Variants in HSDL1 observed in about 807,000 individuals in gnomAD.
The protein encoded by HSDL1 is hydroxysteroid dehydrogenase like 1, also known as inactive hydroxysteroid dehydrogenase-like protein 1.
In HSDL1, 29 loss-of-function variants were observed where a neutral mutation model predicts 31.5. That is an observed-to-expected ratio of 0.92 (90% CI 0.69 to 1.26). The LOEUF (loss-of-function observed/expected upper bound fraction) is 1.26. HSDL1 is among the 50% of genes most tolerant of loss of function. The pLI is 0.00. For synonymous variants in HSDL1, 222 were observed against 155.2 expected (o/e 1.43, Z -3.20); for missense variants, 503 against 416.6 (o/e 1.21, Z -1.81).
chr16:84,129,151 G>C (rs192709801), intron 5 of HSDL1, among the ~76,000 whole-genome samples: 2 of 152,124 alleles, frequency 1.3e-5, no homozygotes, highest in African/African-American at 4.8e-5. Context: ...GGGAGGCTGA[G>C]GCAGGCAGAT....
chr16:84,124,591 C>T lies in HSDL1; in HGVS notation c.*39G>A, dbSNP rs751149545. On this transcript the variant is annotated 3_prime_UTR_variant, in exon 6 of 6. Transcript: ENST00000219439. ...TTCCAAATGTCAGAATATCGAGGTT[C>T]CCAGGAGTTGGCAAAACTTCTCAAG... The T allele has an allele frequency of 7.3e-6, 9 of 1,237,554 alleles. No homozygotes were observed. The African/African-American group carries it at 1.3e-4, about 18-fold the overall frequency. The allele number at this position is 1,237,554 out of a possible 1,614,324, so 76.7% of individuals were successfully genotyped here.
In HSDL1 at chr16:84,129,724, C is replaced by T; in HGVS notation, c.718G>A (p.Gly240Arg). 1 of 1,614,184 alleles carries T rather than the reference C, an allele frequency of 6.2e-7. No homozygotes were observed. Among genetic ancestry groups the T allele is most frequent in the Non-Finnish European group, 8.5e-7 (1 of 1,180,048 alleles). Residue 240 changes from glycine to arginine, a missense_variant, in exon 5 of 6, where the codon GGA (glycine) becomes AGA (arginine). Gly to Arg is a moderately radical substitution (Grantham distance 125). Coordinates refer to ENST00000219439, the MANE Select transcript of HSDL1 (RefSeq NM_031463.5). ...RALQYEYASK[G>R]IFVQSLIPFY... ...GGGATTAGACTCTGTACAAAGATTC[C>T]TTTAGAGGCATATTCATATTGCAAG... is the stretch of plus-strand genomic sequence containing the variant.
In HSDL1 at chr16:84,123,937, C is replaced by G. The variant is rs992732156; in HGVS notation, c.*693G>C. On this transcript the variant is annotated 3_prime_UTR_variant, in exon 6 of 6. Coordinates refer to ENST00000219439, the MANE Select transcript of HSDL1 (RefSeq NM_031463.5). Reference sequence around the variant, plus strand: ...AACCAACAGCATGAAATTTGGTAGGCTTATTTAGGATGAAAAGGAATAATC... The same window carrying G: ...AACCAACAGCATGAAATTTGGTAGGGTTATTTAGGATGAAAAGGAATAATC... The G allele has an allele frequency of 5.3e-5, 8 of 152,112 alleles. No individual in the cohort carries two copies. The highest frequency in any genetic ancestry group is 7.4e-5 in the Non-Finnish European group (5 of 68,010). The allele number at this position is 152,112 out of a possible 1,614,324, so 9.4% of individuals were successfully genotyped here. A position where few individuals can be genotyped will look rare whatever the true frequency, so the allele number is the denominator to read the frequency against.
intron 1 of HSDL1, among the ~76,000 whole-genome samples, chr16:84,141,651 A>C (rs539964367): frequency 6.6e-6 from 1 of 152,296 alleles, no homozygotes; most frequent in African/African-American, 2.4e-5. Context: ...CCTCAATGTC[A>C]CTGGCTGGTA....
intron 3 of HSDL1, 34 bp downstream of exon 3, chr16:84,131,068 C>G (rs76473549): frequency 4.6e-6 from 7 of 1,530,818 alleles, no homozygotes; most frequent in Non-Finnish European, 6.3e-6. Context: ...TCCGACTTCA[C>G]AGAAAAGATT....
rs187664748 is a variant in HSDL1 at position 84,130,830 on chromosome 16, G to T, written c.220+272C>A. ...ACTTTCAAGACAATTTTAAAACAGAGAACAAAAAGGAAAAGCACATAGTAG... is the reference window on the plus strand; with the variant it reads ...ACTTTCAAGACAATTTTAAAACAGATAACAAAAAGGAAAAGCACATAGTAG... On this transcript the variant is annotated intron_variant, in intron 3 of 5. Coordinates refer to ENST00000219439, the MANE Select transcript of HSDL1 (RefSeq NM_031463.5). The T allele has an allele frequency of 6.5e-5, 27 of 417,310 alleles. No homozygotes were observed. In the East Asian group the frequency reaches 1.0e-3, roughly 16 times the overall value. The allele number at this position is 417,310 out of a possible 1,614,324, so 25.9% of individuals were successfully genotyped here.
At chr16:84,137,992 A>C (rs1230661113) in intron 1 of HSDL1, among the ~76,000 whole-genome samples, 1 of 152,210 alleles carries the variant, frequency 6.6e-6, no homozygotes, top group Non-Finnish European at 1.5e-5. Flanking sequence ...CTTGTCTTGA[A>C]TCTTAACCCC....
intron 1 of HSDL1, among the ~76,000 whole-genome samples, chr16:84,141,304 G>A (rs1464972860): frequency 6.6e-6 from 1 of 151,560 alleles, no homozygotes; most frequent in African/African-American, 2.4e-5. Flanking sequence ...TCCCCCTGCT[G>A]CTGGTTCAGA....
intron 2 of HSDL1, 23 bp from the exon 3 acceptor site, chr16:84,131,350 AG>A: frequency 1.3e-6 from 2 of 1,501,554 alleles, no homozygotes; most frequent in Non-Finnish European, 1.9e-6. Context: ...GGAAAGAGAG[AG>A]AGCCTCTTTG....
rs1356955288 is a variant in HSDL1, at chr16:84,122,241, A to ATT, written c.*2387_*2388dup. 6.6e-6 allele frequency: 1 copy of ATT among 152,490 alleles called. No individual in the cohort carries two copies. The highest frequency in any genetic ancestry group is 1.5e-5 in the Non-Finnish European group (1 of 68,054). The allele number at this position is 152,490 out of a possible 1,614,324, so 9.4% of individuals were successfully genotyped here. On this transcript the variant is annotated 3_prime_UTR_variant, in exon 6 of 6. Coordinates refer to ENST00000219439, the MANE Select transcript of HSDL1 (RefSeq NM_031463.5). ...AGAAAAAAAAATTCTCTCATTCCAAATTACAAACAACCAAATTACAAACAT... is the reference window on the plus strand; with the variant it reads ...AGAAAAAAAAATTCTCTCATTCCAAATTTTACAAACAACCAAATTACAAACAT...
chr16:84,141,929 G>A (rs1356758725), intron 1 of HSDL1, among the ~76,000 whole-genome samples: 7 of 152,072 alleles, frequency 4.6e-5, no homozygotes, highest in Non-Finnish European at 1.0e-4. Context: ...TGAACTAAAT[G>A]TGTTGTTATT....
intron 5 of HSDL1, among the ~76,000 whole-genome samples, chr16:84,125,752 T>G (rs896798813): frequency 1.3e-5 from 2 of 152,260 alleles, no homozygotes; most frequent in Non-Finnish European, 2.9e-5. Context: ...CTGTCCTGCA[T>G]GTAAATACAA....
intron 2 of HSDL1, 147 bp downstream of exon 2, chr16:84,135,397 C>T (rs1440312050): frequency 6.6e-6 from 1 of 152,112 alleles, no homozygotes; most frequent in East Asian, 1.9e-4. Flanking sequence ...CATGGAGGAA[C>T]CCACACAGAT....
At chr16:84,139,348 GACT>G (rs2086743790) in intron 1 of HSDL1, 1 of 152,400 alleles carries the variant, frequency 6.6e-6, no homozygotes, top group Admixed American at 6.6e-5. Context: ...AGAGCCATGT[GACT>G]ACAAAGGGAG....
intron 1 of HSDL1, among the ~76,000 whole-genome samples, chr16:84,136,830 G>C (rs1350589008): frequency 6.6e-6 from 1 of 152,202 alleles, no homozygotes; most frequent in Non-Finnish European, 1.5e-5. Context: ...GGCATTCAAG[G>C]TCTGGTCCTC....
chr16:84,126,398 G>T (rs569804274), intron 5 of HSDL1, among the ~76,000 whole-genome samples: 2 of 152,046 alleles, frequency 1.3e-5, no homozygotes, highest in Non-Finnish European at 2.9e-5. Context: ...AACAAATTTG[G>T]TCGTCACACT....
At chr16:84,143,718 C>G (rs2086795091) in intron 1 of HSDL1, among the ~76,000 whole-genome samples, 1 of 151,848 alleles carries the variant, frequency 6.6e-6, no homozygotes, top group Non-Finnish European at 1.5e-5. Flanking sequence ...CAAACTTGGC[C>G]GGGTACAGTG....
chr16:84,141,838 T>TC (rs539488805), intron 1 of HSDL1, among the ~76,000 whole-genome samples: 167 of 152,324 alleles, frequency 1.1e-3, no homozygotes, highest in African/African-American at 3.9e-3. Context: ...TCCTTTTTTT[T>TC]CTCTCAGAAT....
Position 84,145,151 on chromosome 16 carries a change from G to T in HSDL1, c.-140C>A, listed in dbSNP as rs1259102785. ...GGCCGCCGCCCCCGTCTCGGCCGCC[G>T]GAGCTGCTGCCGCGCCGCGCCCTCA... is the stretch of plus-strand genomic sequence containing the variant. On this transcript the variant is annotated 5_prime_UTR_variant, in exon 1 of 6. Transcript: ENST00000219439. 4.6e-6 allele frequency: 1 copy of T among 219,052 alleles called. No individual in the cohort carries two copies. Among genetic ancestry groups the T allele is most frequent in the Non-Finnish European group, 8.8e-6 (1 of 113,732 alleles). The allele number at this position is 219,052 out of a possible 1,614,324, so 13.6% of individuals were successfully genotyped here. A position where few individuals can be genotyped will look rare whatever the true frequency, so the allele number is the denominator to read the frequency against.
Sources: gnomAD v4.1 joint callset for allele counts (sites outside exome capture counted in the v4.1 genomes callset) on GRCh38, gnomAD v4.1.1 for gene constraint, MANE v1.5 for transcripts, NCBI Gene and HGNC (gene_info 2026-07-23, HGNC 2026-07-21) for gene names.